TENM2: variants seen among roughly 807,000 people sequenced by gnomAD.
TENM2 encodes teneurin-2.
TENM2 carries 52 observed loss-of-function variants against 245.2 expected under a neutral mutation model. The observed-to-expected ratio is 0.21, with a 90% confidence interval of 0.17 to 0.27. The LOEUF is 0.27. Among genes scored for constraint, TENM2 ranks in the 10% least tolerant of loss-of-function variants. The pLI, the probability that TENM2 is intolerant of heterozygous loss-of-function variation, is 1.00. For missense variants in TENM2, 3,046 were observed against 3,666.8 expected (o/e 0.83, Z 4.37); for synonymous variants, 1,363 against 1,438.9 (o/e 0.95, Z 1.19).
the TENM2 span, among the ~76,000 whole-genome samples, chr5:167,007,687 C>T: frequency 3.3e-3 from 501 of 152,288 alleles, 7 homozygotes; most frequent in Admixed American, 0.03. The surrounding 1 kb of genome is among the most constrained non-coding windows in gnomAD (Gnocchi z 4.2). Context: ...TAACAGGCCC[C>T]CCACTACCAC....
the TENM2 span, among the ~76,000 whole-genome samples, chr5:167,162,147 G>A: frequency 6.6e-6 from 1 of 151,108 alleles, no homozygotes; most frequent in African/African-American, 2.4e-5. Flanking sequence ...ACTCCAGCCT[G>A]GGTGACAGAG....
intron 2 of TENM2, among the ~76,000 whole-genome samples, chr5:167,424,309 A>T (rs1490693489): frequency 6.6e-6 from 1 of 151,110 alleles, no homozygotes; most frequent in Non-Finnish European, 1.5e-5. Flanking sequence ...ATATTCCAGC[A>T]CCCCCCACCC....
chr5:168,047,793 T>G (rs897577313), intron 6 of TENM2, among the ~76,000 whole-genome samples: 1 of 152,228 alleles, frequency 6.6e-6, no homozygotes, highest in African/African-American at 2.4e-5. Context: ...TGTGCATACC[T>G]ATGCTATCTG....
intron 2 of TENM2, among the ~76,000 whole-genome samples, chr5:167,431,961 G>GTATATATATGTGTATATATATA (rs1764270064): frequency 4.6e-5 from 2 of 43,602 alleles, no homozygotes; most frequent in Non-Finnish European, 1.4e-4. Flanking sequence ...ATATATATAT[G>GTATATATATGTGTATATATATA]TATATATATA....
intron 2 of TENM2, among the ~76,000 whole-genome samples, chr5:167,427,124 G>A (rs553628063): frequency 6.6e-6 from 1 of 151,914 alleles, no homozygotes; most frequent in Non-Finnish European, 1.5e-5. Context: ...GAGGGAGAAA[G>A]AAAGAGAAAG....
chr5:167,142,053 C>G, the TENM2 span, among the ~76,000 whole-genome samples: 1 of 152,080 alleles, frequency 6.6e-6, no homozygotes, highest in Non-Finnish European at 1.5e-5. Flanking sequence ...TTAACATTGC[C>G]TACAGTTCTT....
the TENM2 span, among the ~76,000 whole-genome samples, chr5:167,078,321 TA>T: frequency 6.6e-6 from 1 of 152,004 alleles, no homozygotes; most frequent in African/African-American, 2.4e-5. Context: ...CTGTCTCTAC[TA>T]AAAATACAAA....
chr5:167,164,880 C>T, the TENM2 span: 1 of 152,094 alleles, frequency 6.6e-6, no homozygotes, highest in South Asian at 2.1e-4. Flanking sequence ...ACAATGTGTA[C>T]TTCACATAAT....
intron 2 of TENM2, among the ~76,000 whole-genome samples, chr5:167,630,635 G>A (rs1226608148): frequency 1.3e-5 from 2 of 152,122 alleles, no homozygotes; most frequent in African/African-American, 2.4e-5. Flanking sequence ...TTTTATGACT[G>A]TTGATCTCAA....
At chr5:167,131,903 A>T in the TENM2 span, among the ~76,000 whole-genome samples, 1 of 151,956 alleles carries the variant, frequency 6.6e-6, no homozygotes, top group Non-Finnish European at 1.5e-5. Context: ...GCTCACTGCA[A>T]CCTCCACCTC....
At chr5:168,002,187 A>G (rs1211391926) in intron 5 of TENM2, among the ~76,000 whole-genome samples, 6 of 152,186 alleles carry the variant, frequency 3.9e-5, no homozygotes, top group Non-Finnish European at 8.8e-5. Flanking sequence ...TTCTTTCATC[A>G]TGACTTTCTT....
At chr5:168,002,263 A>T (rs1465132601) in intron 5 of TENM2, among the ~76,000 whole-genome samples, 1 of 152,050 alleles carries the variant, frequency 6.6e-6, no homozygotes, top group Non-Finnish European at 1.5e-5. Flanking sequence ...ATTTGTGGGG[A>T]GATTCGTGCA....
At chr5:167,985,891 C>A (rs1783207239) in intron 4 of TENM2, among the ~76,000 whole-genome samples, 1 of 152,144 alleles carries the variant, frequency 6.6e-6, no homozygotes, top group South Asian at 2.1e-4. Flanking sequence ...GAAAAGAAAT[C>A]TTTTGTTGGA....
chr5:167,200,497 C>T, the TENM2 span, among the ~76,000 whole-genome samples: 1 of 151,896 alleles, frequency 6.6e-6, no homozygotes, highest in African/African-American at 2.4e-5. Context: ...CTGGGGTTTT[C>T]TGAGAAAAGT....
At chr5:167,663,652 A>G (rs928546273) in intron 2 of TENM2, among the ~76,000 whole-genome samples, 1 of 152,026 alleles carries the variant, frequency 6.6e-6, no homozygotes, top group Non-Finnish European at 1.5e-5. Context: ...CTAGAATGTT[A>G]ATTGGATTTG....
At chr5:167,061,214 T>G in the TENM2 span, among the ~76,000 whole-genome samples, 4 of 152,164 alleles carry the variant, frequency 2.6e-5, no homozygotes, top group East Asian at 7.7e-4. Flanking sequence ...CTTCTGCTTC[T>G]TCTTGAATAA....
intron 6 of TENM2, among the ~76,000 whole-genome samples, chr5:168,052,197 C>T (rs1328109151): frequency 6.6e-6 from 1 of 151,902 alleles, no homozygotes; most frequent in Non-Finnish European, 1.5e-5. Context: ...ACCATCCTGG[C>T]TAACATGGTG....
intron 3 of TENM2, among the ~76,000 whole-genome samples, chr5:167,928,246 A>C (rs1001870517): frequency 1.3e-5 from 2 of 152,102 alleles, no homozygotes; most frequent in Admixed American, 6.5e-5. Flanking sequence ...TATGGTTCCC[A>C]TTTCATTCTC....
chr5:167,579,378 CATTTTTATATTCACTGGAG>C (rs2127677949), intron 2 of TENM2, among the ~76,000 whole-genome samples: 1 of 152,300 alleles, frequency 6.6e-6, no homozygotes, highest in South Asian at 2.1e-4. Context: ...ATAACATACA[CATTTTTATATTCACTGGAG>C]ATATGTGTCT....
Sources: gnomAD v4.1 joint callset for allele counts (sites outside exome capture counted in the v4.1 genomes callset) on GRCh38, gnomAD v4.1.1 for gene constraint, Gnocchi (gnomAD v3.1) non-coding constraint, MANE v1.5 for transcripts, NCBI Gene and HGNC (gene_info 2026-07-23, HGNC 2026-07-21) for gene names.